Variants in CGGBP1 observed in about 807,000 individuals in gnomAD.
CGGBP1 encodes CGG triplet repeat binding protein 1.
A neutral mutation model predicts 11.4 loss-of-function variants in CGGBP1; 4 were observed. The observed-to-expected ratio is 0.35, with a 90% CI of 0.17 to 0.80. The LOEUF (loss-of-function observed/expected upper bound fraction) is 0.80. Among genes scored for constraint, CGGBP1 ranks in the 30% least tolerant of loss-of-function variants. The probability of loss-of-function intolerance (pLI) is 0.52; values close to 1 mark genes in which losing one functional copy is unlikely to be tolerated. For missense variants in CGGBP1, 135 were observed against 202.1 expected (o/e 0.67, Z 2.01); for synonymous variants, 76 against 74.1 (o/e 1.03, Z -0.13).
chr3:88,116,547 T>TATAC (rs1705407210), intron 2 of CGGBP1, among the ~76,000 whole-genome samples: 1 of 95,100 alleles, frequency 1.1e-5, no homozygotes, highest in Admixed American at 1.3e-4. Context: ...AATACATACA[T>TATAC]ACATACATAT....
chr3:88,070,586 T>C (rs1193770653), intron 2 of CGGBP1, among the ~76,000 whole-genome samples: 1 of 70,308 alleles, frequency 1.4e-5, no homozygotes, highest in Non-Finnish European at 3.5e-5. Context: ...TTTTTTTTTT[T>C]TTTGCAGATC....
At chr3:88,074,818 G>T (rs1707711538) in intron 2 of CGGBP1, among the ~76,000 whole-genome samples, 1 of 152,178 alleles carries the variant, frequency 6.6e-6, no homozygotes, top group South Asian at 2.1e-4. Context: ...GACGATGGAT[G>T]CACAGAAAAC....
chr3:88,059,933 C>T (rs922431025), upstream of CGGBP1, among the ~76,000 whole-genome samples: 5 of 152,028 alleles, frequency 3.3e-5, no homozygotes, highest in African/African-American at 9.7e-5. Flanking sequence ...GTGTTCTCCC[C>T]TTTTTTTCCG....
upstream of CGGBP1, among the ~76,000 whole-genome samples, chr3:88,061,907 G>T (rs1460752972): frequency 6.6e-6 from 1 of 152,186 alleles, no homozygotes; most frequent in Non-Finnish European, 1.5e-5. Flanking sequence ...CAGGCTAGTG[G>T]TGTTTCAAAG....
At chr3:88,118,365 T>C (rs1705542826) in intron 2 of CGGBP1, among the ~76,000 whole-genome samples, 1 of 151,964 alleles carries the variant, frequency 6.6e-6, no homozygotes, top group African/African-American at 2.4e-5. Flanking sequence ...TAATATACCA[T>C]AGGAGAAGTG....
At chr3:88,087,788 T>A (rs1408429716) in intron 2 of CGGBP1, among the ~76,000 whole-genome samples, 6 of 152,316 alleles carry the variant, frequency 3.9e-5, no homozygotes, top group Admixed American at 2.6e-4. Flanking sequence ...TAATTACAAT[T>A]TTTTAATGTA....
intron 2 of CGGBP1, among the ~76,000 whole-genome samples, chr3:88,113,409 A>G (rs1410696771): frequency 6.6e-6 from 1 of 152,164 alleles, no homozygotes; most frequent in Non-Finnish European, 1.5e-5. Context: ...TGGAATTCCT[A>G]TTCTACATTT....
At chr3:88,122,897 C>G (rs1705858569) in intron 2 of CGGBP1, among the ~76,000 whole-genome samples, 1 of 151,270 alleles carries the variant, frequency 6.6e-6, no homozygotes, top group Admixed American at 6.6e-5. Context: ...GTAATCTCAG[C>G]TACTCAGGAG....
intron 2 of CGGBP1, among the ~76,000 whole-genome samples, chr3:88,069,180 G>A (rs1707366747): frequency 6.6e-6 from 1 of 152,306 alleles, no homozygotes; most frequent in South Asian, 2.1e-4. Flanking sequence ...CCAGTACTTT[G>A]GGAGGCCGAG....
At position 88,139,647 on chromosome 3, in the gene CGGBP1, G is replaced by A. The variant is rs766394912; in HGVS notation, c.-229+1323C>T. ...AGAAGTCATCCCTGAGCATGTGGCT[G>A]AATTCATTGAAATTCCCATAAGTGT... On this transcript the variant is annotated intron_variant, in intron 2 of 3. Coordinates refer to the CGGBP1 transcript ENST00000462901. 3.1e-6 allele frequency: 5 copies of A among 1,612,046 alleles called. No individual in the cohort carries two copies. In the Admixed American group the frequency reaches 8.4e-5, roughly 27 times the overall value.
intron 2 of CGGBP1, among the ~76,000 whole-genome samples, chr3:88,100,924 C>T (rs1229631432): frequency 9.9e-5 from 15 of 152,100 alleles, no homozygotes; most frequent in Admixed American, 3.3e-4. Flanking sequence ...CAAACCTGCA[C>T]GTTGTGCACA....
chr3:88,058,479 C>G (rs1480230820), intron 1 of CGGBP1, among the ~76,000 whole-genome samples: 1 of 152,082 alleles, frequency 6.6e-6, no homozygotes, highest in Non-Finnish European at 1.5e-5. Flanking sequence ...AGGCGGGGCC[C>G]GGGACGTTCC....
At chr3:88,125,747 A>G (rs1326813145) in intron 2 of CGGBP1, among the ~76,000 whole-genome samples, 2 of 152,104 alleles carry the variant, frequency 1.3e-5, no homozygotes, top group Non-Finnish European at 2.9e-5. Context: ...CTGCCCTACC[A>G]CGCTCTCTTT....
intron 2 of CGGBP1, among the ~76,000 whole-genome samples, chr3:88,109,721 C>T (rs1704975145): frequency 6.6e-6 from 1 of 152,070 alleles, no homozygotes; most frequent in Admixed American, 6.6e-5. Flanking sequence ...ATAATTATTT[C>T]AATTTAGGTA....
chr3:88,088,909 A>C (rs1388708779), intron 2 of CGGBP1, among the ~76,000 whole-genome samples: 1 of 151,574 alleles, frequency 6.6e-6, no homozygotes, highest in Non-Finnish European at 1.5e-5. Flanking sequence ...AGTAGCTGGG[A>C]TGACAGGCAC....
chr3:88,109,752 C>A (rs142453975), intron 2 of CGGBP1, among the ~76,000 whole-genome samples: 2 of 152,004 alleles, frequency 1.3e-5, no homozygotes, highest in Non-Finnish European at 2.9e-5. Flanking sequence ...ACATAACTTA[C>A]AATTTGGACT....
chr3:88,064,247 A>AT (rs1373651475), intron 2 of CGGBP1, among the ~76,000 whole-genome samples: 1 of 151,888 alleles, frequency 6.6e-6, no homozygotes, highest in Non-Finnish European at 1.5e-5. Context: ...TTTATAAGTA[A>AT]TTTTTTCCCT....
intron 2 of CGGBP1, among the ~76,000 whole-genome samples, chr3:88,071,523 G>C (rs1707510325): frequency 6.6e-6 from 1 of 152,200 alleles, no homozygotes; most frequent in African/African-American, 2.4e-5. Flanking sequence ...GCGGGCGCCT[G>C]TAGTCCCAGC....
At chr3:88,122,627 G>T (rs1705837093) in intron 2 of CGGBP1, among the ~76,000 whole-genome samples, 1 of 152,052 alleles carries the variant, frequency 6.6e-6, no homozygotes, top group African/African-American at 2.4e-5. Context: ...GTGTAATGTG[G>T]GTATCAATAA....
Sources: gnomAD v4.1 joint callset for allele counts (sites outside exome capture counted in the v4.1 genomes callset) on GRCh38, gnomAD v4.1.1 for gene constraint, MANE v1.5 for transcripts, NCBI Gene and HGNC (gene_info 2026-07-23, HGNC 2026-07-21) for gene names.